The following MAST3 variants were observed in gnomAD, a reference collection of about 807,000 sequenced individuals.
The protein encoded by MAST3 is microtubule-associated serine/threonine-protein kinase 3.
In MAST3, 43 loss-of-function variants were observed where a neutral mutation model predicts 127.0. The ratio of observed to expected loss-of-function variants is 0.34; its 90% CI spans 0.27 to 0.44. The LOEUF (loss-of-function observed/expected upper bound fraction) is 0.44. Ranked by LOEUF, MAST3 falls within the 20% of genes least tolerant of loss-of-function variation. The pLI is 1.00. For missense variants in MAST3, 1,390 were observed against 1,919.1 expected, an observed-to-expected ratio of 0.72 and a Z score of 5.15; for synonymous variants, 785 against 809.2, an observed-to-expected ratio of 0.97 and a Z score of 0.51.
chr19:18,108,605 C>T (rs768866722), intron 2 of MAST3, among the ~76,000 whole-genome samples: 1 of 152,120 alleles, frequency 6.6e-6, no homozygotes, highest in African/African-American at 2.4e-5. Flanking sequence ...TGGACTCAAG[C>T]GATCTGCCTG....
At chr19:18,129,476 G>A (rs1205088085) in intron 13 of MAST3, 3 of 154,764 alleles carry the variant, frequency 1.9e-5, no homozygotes, top group African/African-American at 4.8e-5. Flanking sequence ...CTGCAGGGTG[G>A]TAGCAGCTTA....
chr19:18,116,112 G>C (rs1252576461), intron 3 of MAST3, among the ~76,000 whole-genome samples: 1 of 6,274 alleles, frequency 1.6e-4, no homozygotes, highest in Non-Finnish European at 3.0e-4. Flanking sequence ...TTTTTTTTTT[G>C]AGACGGAGTC....
rs148013902 is a variant in MAST3 at position 18,137,528 on chromosome 19, C to T, written c.2095+167C>T. On this transcript the variant is annotated intron_variant, in intron 19 of 27. Transcript: ENST00000687212. ...CCAAGAATCTAGGGCGTGTGTCGGC[C>T]GCCCCCTGGCTGGATTTCCTGTGTG... Among the ~76,000 whole-genome samples, 1,466 of 152,278 alleles carry T rather than the reference C, an allele frequency of 9.6e-3. 10 individuals carry two copies. The highest frequency in any genetic ancestry group is 0.016 in the South Asian group (77 of 4,830).
intron 18 of MAST3, 33 bp downstream of exon 18, chr19:18,135,874 G>T: frequency 6.6e-7 from 1 of 1,522,754 alleles, no homozygotes; most frequent in Admixed American, 1.9e-5. Flanking sequence ...CAGGTGGGTG[G>T]CTCCTTCAGG....
chr19:18,105,384 C>A (rs776752292), intron 1 of MAST3, among the ~76,000 whole-genome samples: 4 of 151,666 alleles, frequency 2.6e-5, no homozygotes, highest in South Asian at 4.2e-4. Context: ...AACAAACAAA[C>A]AAAAAACTGG....
At chr19:18,143,025 T>A (rs1039036892) in intron 21 of MAST3, among the ~76,000 whole-genome samples, 2 of 151,596 alleles carry the variant, frequency 1.3e-5, no homozygotes, top group South Asian at 4.2e-4. Context: ...GGCACGAGAA[T>A]TGCTTGACCC....
chr19:18,143,800 T>C lies in MAST3; in HGVS notation c.2377T>C (p.Ser793Pro). ...GACATCCTCTGGATCCTCCTGTCAG[T>C]CATCTTCGTCCCAGCCCGAGCGGGG... The part of the protein sequence containing the change: ...SWTSSGSSCQ[S>P]SSSQPERGPS... The change falls in exon 22 of 28, where the codon TCA (serine) becomes CCA (proline). Residue 793 changes from serine (S) to proline (P), a missense_variant. Physicochemically the swap from Ser to Pro is moderately conservative, Grantham distance 74. Transcript: ENST00000687212. 1 of 1,613,784 alleles carries C rather than the reference T, an allele frequency of 6.2e-7. No homozygotes were observed. Among genetic ancestry groups the C allele is most frequent in the Non-Finnish European group, 8.5e-7 (1 of 1,179,838 alleles).
rs546303174 is a variant in MAST3 at position 18,122,302 on chromosome 19, C to A, written c.321-371C>A. On this transcript the variant is annotated intron_variant, in intron 5 of 27. Transcript: ENST00000687212. The stretch of plus-strand genomic sequence containing the variant: ...TTCATACAACAACATTCATTAAGCA[C>A]CCACTGTGTGTATGCTCTGTGCTGC... 1.3e-4 allele frequency among the ~76,000 whole-genome samples: 20 copies of A among 152,268 alleles called. No homozygotes were observed. In the South Asian group the frequency reaches 4.1e-3, roughly 32 times the overall value.
chr19:18,100,250 C>T (rs974335940), intron 1 of MAST3, among the ~76,000 whole-genome samples: 3 of 151,820 alleles, frequency 2.0e-5, no homozygotes, highest in South Asian at 2.1e-4. Context: ...CTCAGCCTCC[C>T]GAGTAGCTGG....
chr19:18,132,796 A>G (rs1172425565), intron 15 of MAST3, among the ~76,000 whole-genome samples: 1 of 152,196 alleles, frequency 6.6e-6, no homozygotes, highest in African/African-American at 2.4e-5. Context: ...AGATGTGAAC[A>G]TGAGTGTTAA....
At position 18,131,497 on chromosome 19, in the gene MAST3, G is replaced by A. The variant is rs184490548; in HGVS notation, c.1433-412G>A. On this transcript the variant is annotated intron_variant, in intron 14 of 27. Transcript: ENST00000687212. ...TGGTGGATCACGAGGTCAAGAGATC[G>A]AGACCATCCTGACCAACATAGTGAA... is the stretch of plus-strand genomic sequence containing the variant. Among the ~76,000 whole-genome samples the A allele has an allele frequency of 3.1e-4, 43 of 140,096 alleles. 5 individuals carry two copies. Among genetic ancestry groups the A allele is most frequent in the African/African-American group, 1.1e-3 (42 of 38,392 alleles). The allele number at this position is 140,096 out of a possible 152,430, so 91.9% of individuals were successfully genotyped here.
intron 3 of MAST3, among the ~76,000 whole-genome samples, chr19:18,119,633 G>A (rs2039718757): frequency 6.6e-6 from 1 of 152,216 alleles, no homozygotes; most frequent in Admixed American, 6.5e-5. Context: ...TGTGAGCATT[G>A]TCTAGGCAAA....
chr19:18,111,288 C>CA (rs2038586508), intron 3 of MAST3, among the ~76,000 whole-genome samples: 1 of 151,912 alleles, frequency 6.6e-6, no homozygotes. Flanking sequence ...CAGTCCATCC[C>CA]CCGGGGGCCA....
At chr19:18,136,502 G>A (rs1484992982) in intron 18 of MAST3, among the ~76,000 whole-genome samples, 2 of 152,128 alleles carry the variant, frequency 1.3e-5, no homozygotes, top group African/African-American at 4.8e-5. Context: ...TGCAACCTCC[G>A]CCTCCCAGGC....
rs2040886196 is a variant in MAST3 at position 18,128,322 on chromosome 19, T to C, written c.1079-78T>C. On this transcript the variant is annotated intron_variant, in intron 11 of 27. Coordinates refer to ENST00000687212, the MANE Select transcript of MAST3 (RefSeq NM_001393504.1). ...CATCCCCAGCCTGGGGTGAGAACTC[T>C]AGAGGCCTCAGGAAATTGCTGGGTG... 6 of 1,227,886 alleles carry C rather than the reference T, an allele frequency of 4.9e-6. No homozygotes were observed. In the South Asian group the frequency reaches 7.9e-5, roughly 16 times the overall value. The allele number at this position is 1,227,886 out of a possible 1,614,324, so 76.1% of individuals were successfully genotyped here. A position where few individuals can be genotyped will look rare whatever the true frequency, so the allele number is the denominator to read the frequency against.
At chr19:18,140,754 A>G (rs537863744) in intron 20 of MAST3, among the ~76,000 whole-genome samples, 3 of 152,252 alleles carry the variant, frequency 2.0e-5, no homozygotes, top group South Asian at 2.1e-4. Flanking sequence ...ATTTGGGTCT[A>G]TTCCACCTTG....
chr19:18,137,925 C>T (rs541298078), intron 19 of MAST3, among the ~76,000 whole-genome samples: 1 of 152,272 alleles, frequency 6.6e-6, no homozygotes, highest in East Asian at 1.9e-4. Flanking sequence ...ACAATTTTGG[C>T]CAGGCGCAGT....
At chr19:18,137,177 A>AG (rs905411268) in intron 18 of MAST3, 62 bp from the exon 19 acceptor site, 9 of 1,584,186 alleles carry the variant, frequency 5.7e-6, no homozygotes, top group African/African-American at 1.3e-5. Flanking sequence ...CAGTGGGGGT[A>AG]GGGGGGCATC....
intron 27 of MAST3, among the ~76,000 whole-genome samples, chr19:18,148,456 C>T (rs770382412): frequency 6.0e-5 from 9 of 150,730 alleles, no homozygotes; most frequent in Non-Finnish European, 1.3e-4. Context: ...AGTGAGACCC[C>T]ATCTCAAAAA....
Sources: allele counts gnomAD v4.1 joint callset (sites outside exome capture counted in the v4.1 genomes callset), GRCh38; gene constraint gnomAD v4.1.1; transcripts MANE v1.5; gene names NCBI Gene and HGNC (gene_info 2026-07-23, HGNC 2026-07-21).